The following PRH1 variants were observed in gnomAD, a reference collection of about 807,000 sequenced individuals.
PRH1 encodes the protein salivary acidic proline-rich phosphoprotein 1/2.
PRH1 carries 7 observed loss-of-function variants against 7.9 expected under a neutral mutation model. The ratio of observed to expected loss-of-function variants is 0.89; its 90% CI spans 0.50 to 1.67. PRH1 has a LOEUF of 1.67. PRH1 is among the 40% of genes most tolerant of loss of function. The pLI is 0.00. For synonymous variants in PRH1, 45 were observed against 80.8 expected (o/e 0.56, Z 2.38); for missense variants, 109 against 223.6 (o/e 0.49, Z 3.27).
intron 1 of PRH1, among the ~76,000 whole-genome samples, chr12:11,114,821 T>C (rs1488893869): frequency 1.3e-5 from 2 of 152,164 alleles, no homozygotes; most frequent in Non-Finnish European, 2.9e-5. Context: ...GCTAAGTTGT[T>C]ATCAGCTTGA....
At chr12:11,092,278 A>C in intron 1 of PRH1, 1 of 1,183,818 alleles carries the variant, frequency 8.4e-7, no homozygotes, top group East Asian at 2.4e-5. Context: ...TTGTGTCCGG[A>C]ATTGGTTCCT....
intron 2 of PRH1, chr12:10,895,078 A>T (rs942197572): frequency 5.9e-5 from 9 of 152,222 alleles, no homozygotes; most frequent in African/African-American, 2.2e-4. Flanking sequence ...ATACCAGCAC[A>T]CTACTAAAAG....
chr12:11,122,686 T>TA (rs1266164363), intron 1 of PRH1, among the ~76,000 whole-genome samples: 15 of 152,284 alleles, frequency 9.9e-5, no homozygotes, highest in South Asian at 2.1e-4. Context: ...TAAAATCTCT[T>TA]AGAGTTATAC....
intron 2 of PRH1, among the ~76,000 whole-genome samples, chr12:10,940,397 C>T (rs1387584124): frequency 2.0e-5 from 3 of 152,136 alleles, no homozygotes; most frequent in Non-Finnish European, 4.4e-5. Flanking sequence ...AATAGTAATA[C>T]ATGTAAATAT....
intron 1 of PRH1, among the ~76,000 whole-genome samples, chr12:11,130,898 G>C (rs1946321671): frequency 6.6e-6 from 1 of 151,918 alleles, no homozygotes; most frequent in Non-Finnish European, 1.5e-5. Flanking sequence ...GAGGGTATGA[G>C]CACGTCTCAG....
At chr12:11,098,911 T>C (rs1461054201) in intron 1 of PRH1, among the ~76,000 whole-genome samples, 1 of 152,226 alleles carries the variant, frequency 6.6e-6, no homozygotes, top group Admixed American at 6.5e-5. Flanking sequence ...TTCCAAGAAG[T>C]TGTCCAGATG....
chr12:10,920,229 C>A (rs1217202348), intron 2 of PRH1, among the ~76,000 whole-genome samples: 2 of 146,418 alleles, frequency 1.4e-5, no homozygotes, highest in Non-Finnish European at 2.9e-5. Context: ...GATACCCCTA[C>A]CTTAATTTTC....
chr12:10,987,391 C>T (rs1939704681), intron 1 of PRH1, among the ~76,000 whole-genome samples: 1 of 152,078 alleles, frequency 6.6e-6, no homozygotes, highest in East Asian at 1.9e-4. Flanking sequence ...TACATTTAAA[C>T]AGACAGAATC....
At chr12:11,125,046 T>C (rs1946064109) in intron 1 of PRH1, among the ~76,000 whole-genome samples, 1 of 152,182 alleles carries the variant, frequency 6.6e-6, no homozygotes, top group African/African-American at 2.4e-5. Flanking sequence ...TTTCACTATA[T>C]TGGCCAGGCC....
At chr12:10,936,509 T>C (rs1950290939) in intron 2 of PRH1, among the ~76,000 whole-genome samples, 1 of 152,086 alleles carries the variant, frequency 6.6e-6, no homozygotes, top group Non-Finnish European at 1.5e-5. Context: ...TATAATCAGG[T>C]AACAAACATA....
chr12:10,887,332 C>A (rs1473538193), upstream of PRH1, among the ~76,000 whole-genome samples: 1 of 152,068 alleles, frequency 6.6e-6, no homozygotes, highest in East Asian at 1.9e-4. Flanking sequence ...ATTAATTGCA[C>A]CAACTAAGCA....
chr12:11,170,999 T>TA (rs1947818900), intron 1 of PRH1, among the ~76,000 whole-genome samples: 1 of 152,240 alleles, frequency 6.6e-6, no homozygotes, highest in South Asian at 2.1e-4. Flanking sequence ...CTTTGGCCCT[T>TA]ACAAATTTTG....
At chr12:10,997,967 G>T in intron 1 of PRH1, 2 of 762,384 alleles carry the variant, frequency 2.6e-6, no homozygotes, top group Admixed American at 3.0e-5. Context: ...ATATGCACTT[G>T]ATTCCTGAAT....
chr12:11,008,552 T>C (rs1483246693), intron 1 of PRH1, among the ~76,000 whole-genome samples: 1 of 152,146 alleles, frequency 6.6e-6, no homozygotes, highest in Non-Finnish European at 1.5e-5. Context: ...ATTTTCTTTA[T>C]ACTTTATCAA....
At chr12:10,944,542 T>C (rs1190857266) in intron 2 of PRH1, among the ~76,000 whole-genome samples, 4 of 151,970 alleles carry the variant, frequency 2.6e-5, no homozygotes, top group Admixed American at 6.6e-5. Flanking sequence ...TTTTTGGGCG[T>C]CCTTTATTTC....
At chr12:11,059,141 G>A (rs1372906021) in intron 1 of PRH1, among the ~76,000 whole-genome samples, 2 of 152,166 alleles carry the variant, frequency 1.3e-5, no homozygotes, top group Non-Finnish European at 2.9e-5. Flanking sequence ...AGACAACTGA[G>A]CAGATACATT....
At chr12:10,969,640 T>A (rs11054104) in intron 2 of PRH1, among the ~76,000 whole-genome samples, 1 of 151,590 alleles carries the variant, frequency 6.6e-6, no homozygotes, top group East Asian at 1.9e-4. Context: ...GGTTTTTCTG[T>A]TTTTTTGTTT....
intron 1 of PRH1, among the ~76,000 whole-genome samples, chr12:10,992,526 C>T (rs183811909): frequency 6.6e-6 from 1 of 152,200 alleles, no homozygotes; most frequent in Non-Finnish European, 1.5e-5. Flanking sequence ...CTAAACTGAT[C>T]CCCCTGCCAG....
At chr12:11,090,461 A>G (rs1944842125) in intron 1 of PRH1, among the ~76,000 whole-genome samples, 1 of 116,676 alleles carries the variant, frequency 8.6e-6, no homozygotes, top group South Asian at 2.3e-4. Flanking sequence ...CTCAACTTCA[A>G]AAACAGATTT....
Sources: allele counts gnomAD v4.1 joint callset (sites outside exome capture counted in the v4.1 genomes callset), GRCh38; gene constraint gnomAD v4.1.1; transcripts MANE v1.5; gene names NCBI Gene and HGNC (gene_info 2026-07-23, HGNC 2026-07-21).